ROBO1: variants seen among roughly 807,000 people sequenced by gnomAD.
ROBO1 encodes roundabout guidance receptor 1, also known as roundabout homolog 1.
A neutral mutation model predicts 195.9 loss-of-function variants in ROBO1; 149 were observed. The observed-to-expected ratio is 0.76, with a 90% CI of 0.67 to 0.87. The LOEUF is 0.87. ROBO1 is among the 40% of genes least tolerant of loss of function. The probability of loss-of-function intolerance (pLI) is 0.00; values close to 1 mark genes in which losing one functional copy is unlikely to be tolerated. For synonymous variants in ROBO1, 816 were observed against 733.2 expected, an observed-to-expected ratio of 1.11 and a Z score of -1.82; for missense variants, 1,933 against 2,068.3, an observed-to-expected ratio of 0.93 and a Z score of 1.27.
At chr3:78,681,521 G>A (rs1013463675) in intron 10 of ROBO1, among the ~76,000 whole-genome samples, 1 of 152,170 alleles carries the variant, frequency 6.6e-6, no homozygotes, top group Non-Finnish European at 1.5e-5. Flanking sequence ...TGCAGGGGTT[G>A]GAGTATAGAA....
intron 5 of ROBO1, among the ~76,000 whole-genome samples, chr3:78,719,145 G>T (rs2081981181): frequency 6.6e-6 from 1 of 151,992 alleles, no homozygotes; most frequent in Admixed American, 6.6e-5. Flanking sequence ...ATAAACAAAT[G>T]ATCAGCCTGC....
chr3:78,694,419 A>G (rs1285734087), intron 8 of ROBO1, among the ~76,000 whole-genome samples: 1 of 152,184 alleles, frequency 6.6e-6, no homozygotes, highest in African/African-American at 2.4e-5. Flanking sequence ...TTATAAAGCA[A>G]AGATAAAATT....
intron 2 of ROBO1, among the ~76,000 whole-genome samples, chr3:79,461,102 A>G (rs1937620351): frequency 2.0e-5 from 3 of 152,330 alleles, no homozygotes; most frequent in East Asian, 1.9e-4. Flanking sequence ...TAAAATATTA[A>G]AAAGAATTTT....
At chr3:79,733,494 T>C (rs773804557) in intron 1 of ROBO1, among the ~76,000 whole-genome samples, 1 of 152,178 alleles carries the variant, frequency 6.6e-6, no homozygotes, top group Non-Finnish European at 1.5e-5. Flanking sequence ...CTCTCCTTTT[T>C]ACCCCTCCCA....
intron 2 of ROBO1, among the ~76,000 whole-genome samples, chr3:79,195,981 T>A (rs2081625899): frequency 6.6e-6 from 1 of 151,740 alleles, no homozygotes; most frequent in Non-Finnish European, 1.5e-5. Flanking sequence ...CACATTAATT[T>A]AATTATTTAT....
Position 79,036,220 on chromosome 3 carries a change from TTC to T in ROBO1, c.172+89234_172+89235del, listed in dbSNP as rs1225080052. Among the ~76,000 whole-genome samples the T allele has an allele frequency of 2.0e-5, 3 of 152,146 alleles. No individual in the cohort carries two copies. In the East Asian group the frequency reaches 5.8e-4, roughly 29 times the overall value. Reference sequence around the variant, plus strand: ...TTTTTCTCTTTTTATTTTCCTCATCTTCTCTTTCTTTTCTCTTCTTTACAAGT... The same window carrying T: ...TTTTTCTCTTTTTATTTTCCTCATCTTCTTTCTTTTCTCTTCTTTACAAGT... On this transcript the variant is annotated intron_variant, in intron 3 of 30. Transcript: ENST00000464233.
At chr3:79,245,686 C>G (rs76228489) in intron 2 of ROBO1, among the ~76,000 whole-genome samples, 7,738 of 151,824 alleles carry the variant, frequency 0.051, 307 homozygotes, top group African/African-American at 0.11. Context: ...GAAGGTAAAT[C>G]AAACAAAGGA....
chr3:78,696,635 CAT>C (rs112581315), intron 8 of ROBO1, among the ~76,000 whole-genome samples: 44,804 of 144,380 alleles, frequency 0.31, 7,899 homozygotes, highest in African/African-American at 0.5. Flanking sequence ...TTACTACATG[CAT>C]ATATATATAT....
intron 2 of ROBO1, among the ~76,000 whole-genome samples, chr3:79,448,856 G>A (rs1026224392): frequency 2.6e-5 from 4 of 152,052 alleles, no homozygotes; most frequent in African/African-American, 4.8e-5. Context: ...CATTAACTAC[G>A]TTCATTGATA....
chr3:78,652,929 C>T (rs1359420902), intron 18 of ROBO1, among the ~76,000 whole-genome samples: 1 of 151,962 alleles, frequency 6.6e-6, no homozygotes, highest in Non-Finnish European at 1.5e-5. Context: ...ATTCTGTTGG[C>T]ATTGAGTGAT....
intron 1 of ROBO1, among the ~76,000 whole-genome samples, chr3:79,627,314 T>C (rs997573560): frequency 6.6e-6 from 1 of 152,074 alleles, no homozygotes; most frequent in Non-Finnish European, 1.5e-5. Context: ...TATAGACCAA[T>C]GGAATAGAAC....
intron 8 of ROBO1, among the ~76,000 whole-genome samples, chr3:78,699,183 A>C (rs1400947324): frequency 6.6e-6 from 1 of 151,940 alleles, no homozygotes; most frequent in Admixed American, 6.6e-5. Context: ...AAGCTATCCA[A>C]CAGCATTCAC....
At chr3:78,721,717 A>G (rs1426888520) in intron 5 of ROBO1, among the ~76,000 whole-genome samples, 1 of 152,220 alleles carries the variant, frequency 6.6e-6, no homozygotes, top group East Asian at 1.9e-4. Flanking sequence ...AATAACATAT[A>G]AATAATTTGC....
chr3:79,588,343 A>T (rs369740299), intron 2 of ROBO1, among the ~76,000 whole-genome samples: 18 of 151,796 alleles, frequency 1.2e-4, no homozygotes, highest in African/African-American at 4.1e-4. Flanking sequence ...TCATACATGC[A>T]TTCCTTCTTC....
At chr3:78,617,022 T>A (rs1186020564) in intron 27 of ROBO1, among the ~76,000 whole-genome samples, 3 of 152,158 alleles carry the variant, frequency 2.0e-5, no homozygotes, top group African/African-American at 7.2e-5. Flanking sequence ...ATGTTTACTG[T>A]AAGTATGGAA....
At chr3:78,865,833 T>C (rs2035142093) in intron 4 of ROBO1, among the ~76,000 whole-genome samples, 1 of 152,200 alleles carries the variant, frequency 6.6e-6, no homozygotes, top group Admixed American at 6.5e-5. Flanking sequence ...GTTATACATT[T>C]ACAGCTCATT....
At chr3:78,928,025 C>A (rs1206949776) in intron 4 of ROBO1, among the ~76,000 whole-genome samples, 2 of 152,200 alleles carry the variant, frequency 1.3e-5, no homozygotes, top group Admixed American at 1.3e-4. Flanking sequence ...ACTATAGATA[C>A]ACCAACTATT....
chr3:78,601,545 A>G (rs66888835), intron 29 of ROBO1, among the ~76,000 whole-genome samples: 39,026 of 152,022 alleles, frequency 0.26, 5,134 homozygotes, highest in Middle Eastern at 0.38. Flanking sequence ...TTTCATCAAC[A>G]GCTTTCTCTC....
Position 79,596,587 on chromosome 3 carries a change from T to C in ROBO1, c.-50-6626A>G, listed in dbSNP as rs1037508421. ...GTTTACCTATGTATTAATCTATTAA[T>C]GTATGATGTATTAATTATTATTAGG... On this transcript the variant is annotated intron_variant, in intron 1 of 30. Transcript: ENST00000464233. Among the ~76,000 whole-genome samples, 3 of 152,098 alleles carry C rather than the reference T, an allele frequency of 2.0e-5. No homozygotes were observed. The East Asian group carries it at 5.8e-4, about 29-fold the overall frequency.
Sources: allele counts gnomAD v4.1 joint callset (sites outside exome capture counted in the v4.1 genomes callset), GRCh38; gene constraint gnomAD v4.1.1; transcripts MANE v1.5; gene names NCBI Gene and HGNC (gene_info 2026-07-23, HGNC 2026-07-21).